Variants in DTWD2 observed in about 807,000 individuals in gnomAD.
DTWD2 encodes the protein tRNA-uridine aminocarboxypropyltransferase 2.
In DTWD2, 39 loss-of-function variants were observed where a neutral mutation model predicts 31.8. That is an observed-to-expected ratio of 1.22 (90% CI 0.95 to 1.60). The LOEUF is 1.60. Ranked by LOEUF, DTWD2 falls within the 40% of genes most tolerant of loss-of-function variation. The pLI, the probability that DTWD2 is intolerant of heterozygous loss-of-function variation, is 0.00. For synonymous variants in DTWD2, 180 were observed against 142.8 expected (o/e 1.26, Z -1.86); for missense variants, 515 against 381.5 (o/e 1.35, Z -2.92).
chr5:118,867,394 C>A (rs2149547872), intron 4 of DTWD2, among the ~76,000 whole-genome samples: 1 of 152,236 alleles, frequency 6.6e-6, no homozygotes, highest in East Asian at 1.9e-4. Context: ...TATACTCCAG[C>A]TAAACATCTG....
intron 1 of DTWD2, among the ~76,000 whole-genome samples, chr5:118,956,314 T>G (rs1255052127): frequency 6.6e-6 from 1 of 152,228 alleles, no homozygotes; most frequent in Non-Finnish European, 1.5e-5. Flanking sequence ...TGTAATTACA[T>G]TCTTAAAATA....
intron 4 of DTWD2, among the ~76,000 whole-genome samples, chr5:118,884,996 CAA>C (rs36042211): frequency 0.022 from 1,108 of 49,668 alleles, 17 homozygotes; most frequent in African/African-American, 0.087. Flanking sequence ...ACTCCATCTC[CAA>C]AAAAAAAAAA....
intron 4 of DTWD2, among the ~76,000 whole-genome samples, chr5:118,915,406 G>A (rs1418859403): frequency 7.1e-6 from 1 of 141,624 alleles, no homozygotes; most frequent in East Asian, 2.0e-4. Context: ...ACAGAGTCTC[G>A]CTCTGTCGCC....
chr5:118,865,118 C>G (rs891304403), intron 4 of DTWD2, among the ~76,000 whole-genome samples: 1 of 152,286 alleles, frequency 6.6e-6, no homozygotes, highest in African/African-American at 2.4e-5. Flanking sequence ...GATACACCCA[C>G]AAGTGAGTAC....
chr5:118,907,925 T>A (rs1211915150), intron 4 of DTWD2, among the ~76,000 whole-genome samples: 1 of 152,046 alleles, frequency 6.6e-6, no homozygotes, highest in Non-Finnish European at 1.5e-5. Context: ...AAAATGTTAA[T>A]CTCCTGCAAA....
chr5:118,853,257 GGCAACGCT>G (rs961874251), intron 4 of DTWD2, among the ~76,000 whole-genome samples: 2 of 152,042 alleles, frequency 1.3e-5, no homozygotes, highest in Non-Finnish European at 2.9e-5. Context: ...AACAGATGTT[GGCAACGCT>G]GCAGAGAAAA....
At chr5:118,878,844 C>T (rs570119876) in intron 4 of DTWD2, among the ~76,000 whole-genome samples, 34 of 152,164 alleles carry the variant, frequency 2.2e-4, no homozygotes, top group African/African-American at 7.9e-4. Flanking sequence ...GATATGAACA[C>T]TTCAAAAGAA....
intron 4 of DTWD2, among the ~76,000 whole-genome samples, chr5:118,921,155 T>C (rs1753693944): frequency 2.0e-5 from 3 of 151,572 alleles, no homozygotes; most frequent in African/African-American, 4.9e-5. Context: ...ATAAGCCTCC[T>C]AGCTGTGAGG....
chr5:118,948,712 T>C (rs570046750), intron 1 of DTWD2, among the ~76,000 whole-genome samples: 4 of 152,120 alleles, frequency 2.6e-5, no homozygotes, highest in Non-Finnish European at 5.9e-5. Flanking sequence ...CGCACAGCCC[T>C]GCACTTCGGC....
chr5:118,913,440 CACACACACACGTGTGTGTGTGTTT>C (rs1753505603), intron 4 of DTWD2, among the ~76,000 whole-genome samples: 1 of 146,032 alleles, frequency 6.8e-6, no homozygotes, highest in African/African-American at 2.5e-5. Flanking sequence ...TATACACACA[CACACACACACGTGTGTGTGTGTTT>C]CTCTCTGGAG....
intron 1 of DTWD2, among the ~76,000 whole-genome samples, chr5:118,981,761 T>G (rs1335741838): frequency 2.0e-5 from 3 of 152,094 alleles, no homozygotes; most frequent in African/African-American, 7.2e-5. Context: ...GACAAAGAAT[T>G]CAGGAGATAC....
intron 4 of DTWD2, among the ~76,000 whole-genome samples, chr5:118,869,895 A>T (rs1316599899): frequency 6.6e-6 from 1 of 152,152 alleles, no homozygotes; most frequent in African/African-American, 2.4e-5. Context: ...TGGATCACGG[A>T]GGCAGATACC....
intron 4 of DTWD2, among the ~76,000 whole-genome samples, chr5:118,918,798 G>A (rs1215409670): frequency 6.6e-6 from 1 of 151,336 alleles, no homozygotes. Context: ...GACCAGCCTG[G>A]GCAACGTGGT....
At chr5:118,941,228 C>A (rs1203029024) in intron 2 of DTWD2, among the ~76,000 whole-genome samples, 2 of 151,770 alleles carry the variant, frequency 1.3e-5, no homozygotes, top group African/African-American at 4.8e-5. Context: ...GCACAATGTG[C>A]AGATTTGTTA....
chr5:118,845,925 G>A (rs186312889), intron 5 of DTWD2, among the ~76,000 whole-genome samples: 187 of 152,196 alleles, frequency 1.2e-3, no homozygotes, highest in African/African-American at 4.3e-3. Context: ...GTGGCTTTAT[G>A]TCATCAATAA....
chr5:118,923,560 T>C (rs1248151872), intron 4 of DTWD2, among the ~76,000 whole-genome samples: 1 of 152,184 alleles, frequency 6.6e-6, no homozygotes. Flanking sequence ...CGGAAGAATC[T>C]TGGGAAAGAG....
intron 4 of DTWD2, among the ~76,000 whole-genome samples, chr5:118,908,184 C>T (rs1039420342): frequency 3.3e-5 from 5 of 152,016 alleles, no homozygotes; most frequent in Admixed American, 6.6e-5. Context: ...AAAAACTGGA[C>T]ATTACATATA....
chr5:118,936,656 A>G (rs763984298), intron 3 of DTWD2, among the ~76,000 whole-genome samples: 3 of 151,834 alleles, frequency 2.0e-5, no homozygotes, highest in East Asian at 3.8e-4. Context: ...TTTTTTTTTA[A>G]ATTTATGCTT....
intron 1 of DTWD2, among the ~76,000 whole-genome samples, chr5:118,982,807 G>C (rs1307308214): frequency 6.7e-6 from 1 of 149,990 alleles, no homozygotes; most frequent in Non-Finnish European, 1.5e-5. Context: ...TCCTGCCTCA[G>C]CCTCCCAAGT....
Sources: allele counts gnomAD v4.1 joint callset (sites outside exome capture counted in the v4.1 genomes callset), GRCh38; gene constraint gnomAD v4.1.1; transcripts MANE v1.5; gene names NCBI Gene and HGNC (gene_info 2026-07-23, HGNC 2026-07-21).